NRG3: variants seen among roughly 807,000 people sequenced by gnomAD.
The protein encoded by NRG3 is pro-neuregulin-3, membrane-bound isoform.
In NRG3, 31 loss-of-function variants were observed where a neutral mutation model predicts 66.9. That is an observed-to-expected ratio of 0.46 (90% CI 0.35 to 0.63). The LOEUF (loss-of-function observed/expected upper bound fraction) is 0.63, where lower values mean the gene tolerates loss of function less well. Ranked by LOEUF, NRG3 falls within the 20% of genes least tolerant of loss-of-function variation. The pLI, the probability that NRG3 is intolerant of heterozygous loss-of-function variation, is 0.00. For missense variants in NRG3, 910 were observed against 878.9 expected (o/e 1.04, Z -0.45); for synonymous variants, 393 against 359.4 (o/e 1.09, Z -1.06).
intron 1 of NRG3, among the ~76,000 whole-genome samples, chr10:82,104,500 T>C (rs1309019959): frequency 1.3e-5 from 2 of 152,210 alleles, no homozygotes; most frequent in Non-Finnish European, 2.9e-5. Context: ...TCAAGAACTT[T>C]GTTGCCACTA....
intron 4 of NRG3, among the ~76,000 whole-genome samples, chr10:82,932,714 A>G (rs201087830): frequency 6.6e-6 from 1 of 152,128 alleles, no homozygotes; most frequent in Non-Finnish European, 1.5e-5. Flanking sequence ...TTTTTACACA[A>G]ACTGAACAAA....
chr10:82,344,191 C>T (rs997428081), intron 1 of NRG3, among the ~76,000 whole-genome samples: 1 of 149,092 alleles, frequency 6.7e-6, no homozygotes, highest in Non-Finnish European at 1.5e-5. Flanking sequence ...TTAGGTATAT[C>T]TCCCAATGCT....
At chr10:81,966,370 G>T (rs1421697885) in intron 1 of NRG3, among the ~76,000 whole-genome samples, 1 of 151,074 alleles carries the variant, frequency 6.6e-6, no homozygotes, top group African/African-American at 2.4e-5. Context: ...AGTAAAAATG[G>T]CCCACCTTTC....
At position 82,707,281 on chromosome 10, in the gene NRG3, G is replaced by A. The variant is rs114186960; in HGVS notation, c.954-31296G>A. Among the ~76,000 whole-genome samples, 1,015 of 143,462 alleles carry A rather than the reference G, an allele frequency of 7.1e-3. 11 individuals carry two copies. Among genetic ancestry groups the A allele is most frequent in the African/African-American group, 0.025 (977 of 39,632 alleles). 94.1% of individuals were successfully genotyped at this position (143,462 alleles called of 152,430 possible). On this transcript the variant is annotated intron_variant, in intron 2 of 8. Coordinates refer to ENST00000372141, the MANE Select transcript of NRG3 (RefSeq NM_001010848.4). ...TGGATTTTTTTCTAATGCCACCACT[G>A]GCTGGTTTTGAGATTTTTCTCATTA... is the stretch of plus-strand genomic sequence containing the variant.
chr10:81,995,821 C>T (rs954250398), intron 1 of NRG3, among the ~76,000 whole-genome samples: 2 of 152,110 alleles, frequency 1.3e-5, no homozygotes, highest in Non-Finnish European at 2.9e-5. Flanking sequence ...TCATCAGTAC[C>T]TTTTCTAGAT....
intron 1 of NRG3, among the ~76,000 whole-genome samples, chr10:82,063,579 T>A (rs1370898818): frequency 6.6e-6 from 1 of 150,902 alleles, no homozygotes; most frequent in African/African-American, 2.4e-5. Flanking sequence ...AATAAACCCA[T>A]CAGCCCTTGT....
At chr10:81,876,342 G>A (rs1841640482) in intron 1 of NRG3, among the ~76,000 whole-genome samples, 179 bp downstream of exon 1, 1 of 152,204 alleles carries the variant, frequency 6.6e-6, no homozygotes, top group South Asian at 2.1e-4. Context: ...AGCCTGCTCT[G>A]GTTCTGGGGG....
chr10:82,974,196 A>G (rs369688504), intron 7 of NRG3, among the ~76,000 whole-genome samples: 21 of 152,260 alleles, frequency 1.4e-4, no homozygotes, highest in East Asian at 9.6e-4. Context: ...CTGAAAAACT[A>G]TTTTAAAAAA....
intron 2 of NRG3, among the ~76,000 whole-genome samples, chr10:82,652,642 T>TTTTGCC (rs1375235554): frequency 6.6e-6 from 1 of 152,006 alleles, no homozygotes; most frequent in Admixed American, 6.6e-5. Context: ...CCATGGGTGG[T>TTTTGCC]TTTGGAAAAG....
chr10:82,647,601 A>G (rs531634279), intron 2 of NRG3, among the ~76,000 whole-genome samples: 91 of 151,896 alleles, frequency 6.0e-4, no homozygotes, highest in African/African-American at 1.9e-3. Flanking sequence ...CAATGGTTGA[A>G]CTAGTTTACA....
intron 1 of NRG3, among the ~76,000 whole-genome samples, chr10:81,905,145 C>T (rs1269219854): frequency 6.6e-6 from 1 of 152,188 alleles, no homozygotes; most frequent in East Asian, 1.9e-4. Flanking sequence ...TGGCTGGATC[C>T]ATGGTTCATG....
chr10:82,406,247 C>G (rs1000417146), intron 2 of NRG3, among the ~76,000 whole-genome samples: 1 of 152,162 alleles, frequency 6.6e-6, no homozygotes, highest in Non-Finnish European at 1.5e-5. Context: ...GAGGACACAT[C>G]TTTTCCATTG....
At chr10:82,747,110 C>G (rs1201673761) in intron 3 of NRG3, among the ~76,000 whole-genome samples, 1 of 151,990 alleles carries the variant, frequency 6.6e-6, no homozygotes, top group East Asian at 1.9e-4. Flanking sequence ...AAAAAAGGAA[C>G]ACCATCAGGA....
At chr10:82,381,133 G>T (rs1589921050) in intron 2 of NRG3, among the ~76,000 whole-genome samples, 1 of 152,100 alleles carries the variant, frequency 6.6e-6, no homozygotes, top group Non-Finnish European at 1.5e-5. Context: ...ATCAAAAAAG[G>T]CAGGTTAATA....
intron 1 of NRG3, among the ~76,000 whole-genome samples, chr10:82,157,066 T>A (rs2071248345): frequency 6.6e-6 from 1 of 151,722 alleles, no homozygotes; most frequent in Non-Finnish European, 1.5e-5. Flanking sequence ...ATTCTTGTGA[T>A]TTGCTTCAGG....
At chr10:82,764,367 T>A (rs2135103859) in intron 3 of NRG3, among the ~76,000 whole-genome samples, 1 of 135,974 alleles carries the variant, frequency 7.4e-6, no homozygotes, top group Non-Finnish European at 1.5e-5. Flanking sequence ...CACATTGCCC[T>A]ATGCAAATTT....
intron 1 of NRG3, among the ~76,000 whole-genome samples, chr10:81,986,374 A>G (rs986874393): frequency 2.6e-5 from 4 of 152,178 alleles, no homozygotes; most frequent in African/African-American, 7.2e-5. Context: ...GGATTTCAAA[A>G]TGTAAATAGT....
At chr10:82,631,875 G>A (rs1590947511) in intron 2 of NRG3, among the ~76,000 whole-genome samples, 1 of 152,154 alleles carries the variant, frequency 6.6e-6, no homozygotes, top group Non-Finnish European at 1.5e-5. Flanking sequence ...GCCGAGGCAG[G>A]CAGATCACCT....
chr10:82,676,277 A>G (rs1337583733), intron 2 of NRG3, among the ~76,000 whole-genome samples: 2 of 152,064 alleles, frequency 1.3e-5, no homozygotes, highest in East Asian at 3.9e-4. Flanking sequence ...GCTACCACAT[A>G]TTATGTTGAT....
Sources: gnomAD v4.1 joint callset for allele counts (sites outside exome capture counted in the v4.1 genomes callset) on GRCh38, gnomAD v4.1.1 for gene constraint, MANE v1.5 for transcripts, NCBI Gene and HGNC (gene_info 2026-07-23, HGNC 2026-07-21) for gene names.